Variants in BTBD16 observed in about 807,000 individuals in gnomAD.
The protein encoded by BTBD16 is BTB/POZ domain-containing protein 16.
Under a neutral mutation model 67.4 loss-of-function variants are expected in BTBD16, and 66 were observed. The observed-to-expected ratio is 0.98, with a 90% CI of 0.80 to 1.20. The LOEUF is 1.20. Among genes scored for constraint, BTBD16 ranks in the 50% most tolerant of loss-of-function variants. BTBD16 has a pLI of 0.00. For missense variants in BTBD16, 634 were observed against 616.0 expected (o/e 1.03, Z -0.31); for synonymous variants, 242 against 236.4 (o/e 1.02, Z -0.22).
At chr10:122,305,943 T>C (rs894891134) in intron 9 of BTBD16, among the ~76,000 whole-genome samples, 19 of 152,210 alleles carry the variant, frequency 1.2e-4, no homozygotes, top group African/African-American at 4.3e-4. Flanking sequence ...GGCTGTATAG[T>C]ATTTTATGGT....
intron 1 of BTBD16, among the ~76,000 whole-genome samples, chr10:122,273,905 G>A (rs1030748055): frequency 2.0e-5 from 3 of 152,238 alleles, no homozygotes; most frequent in African/African-American, 4.8e-5. Flanking sequence ...GTCTGCCCAA[G>A]TGGAATGGAA....
chr10:122,275,186 G>A, intron 2 of BTBD16, 87 bp downstream of exon 2: 1 of 1,344,232 alleles, frequency 7.4e-7, no homozygotes, highest in South Asian at 1.2e-5. Flanking sequence ...AAGGGGCTGG[G>A]TTCTGCACCA....
intron 1 of BTBD16, among the ~76,000 whole-genome samples, chr10:122,272,375 CTT>C (rs907407636): frequency 3.9e-5 from 6 of 152,162 alleles, no homozygotes; most frequent in African/African-American, 7.2e-5. Context: ...GAGTTTCGCT[CTT>C]GTTTCCCAGG....
At chr10:122,284,067 A>G in intron 4 of BTBD16, 143 bp downstream of exon 4, 2 of 644,214 alleles carry the variant, frequency 3.1e-6, no homozygotes, top group South Asian at 3.7e-5. Context: ...GCGTCTAAGA[A>G]ATAATAGGTG....
rs375825873 is a variant in BTBD16 at position 122,332,168 on chromosome 10, C to T, written c.1087-268C>T. 115 of 404,000 alleles carry T rather than the reference C, an allele frequency of 2.8e-4. 1 individual carries two copies. The highest frequency in any genetic ancestry group is 2.2e-3 in the African/African-American group (109 of 49,172). 25.0% of individuals were successfully genotyped at this position (404,000 alleles called of 1,614,324 possible). ...TGACTGTGATCATCTCTGCCCCATG[C>T]ACACATTTTATTTCCCATGTGAGAC... On this transcript the variant is annotated intron_variant, in intron 12 of 15. Coordinates refer to ENST00000260723, the MANE Select transcript of BTBD16 (RefSeq NM_144587.5).
intron 15 of BTBD16, 138 bp from the exon 16 acceptor site, chr10:122,337,879 C>T (rs766386013): frequency 1.5e-6 from 1 of 651,102 alleles, no homozygotes; most frequent in East Asian, 2.7e-5. Flanking sequence ...CAAATAACCT[C>T]TGCAGGTTAT....
At chr10:122,303,283 T>C (rs2096397497) in intron 9 of BTBD16, among the ~76,000 whole-genome samples, 2 of 152,244 alleles carry the variant, frequency 1.3e-5, no homozygotes, top group African/African-American at 4.8e-5. Context: ...ATTTAATCTA[T>C]GTAATTTTAC....
chr10:122,275,475 C>A, intron 2 of BTBD16, among the ~76,000 whole-genome samples: 1 of 152,344 alleles, frequency 6.6e-6, no homozygotes, highest in South Asian at 2.1e-4. Context: ...CCACCATCGC[C>A]ATCCTCACTG....
At chr10:122,312,738 A>G (rs530020432) in intron 10 of BTBD16, among the ~76,000 whole-genome samples, 43 of 152,264 alleles carry the variant, frequency 2.8e-4, no homozygotes, top group African/African-American at 8.9e-4. Context: ...GTATCTTTTT[A>G]GTGAGGTGCC....
chr10:122,329,459 C>A, intron 10 of BTBD16, 21 bp from the exon 11 acceptor site: 1 of 1,612,296 alleles, frequency 6.2e-7, no homozygotes, highest in Non-Finnish European at 8.5e-7. Flanking sequence ...GTCTGTTATT[C>A]TTCTTTATGC....
chr10:122,304,753 T>C (rs369155046), intron 9 of BTBD16, among the ~76,000 whole-genome samples: 24 of 152,038 alleles, frequency 1.6e-4, no homozygotes, highest in African/African-American at 2.2e-4. Context: ...CGGGGTTTCA[T>C]CATGTTAGCC....
intron 14 of BTBD16, 27 bp from the exon 15 acceptor site, chr10:122,336,467 A>G (rs3817280): frequency 0.34 from 528,918 of 1,563,010 alleles, 95,561 homozygotes; most frequent in East Asian, 0.73. Context: ...TTGCAGTTCC[A>G]CCTAAGGTGA....
intron 10 of BTBD16, among the ~76,000 whole-genome samples, chr10:122,316,619 A>G (rs940730714): frequency 5.9e-5 from 9 of 152,326 alleles, no homozygotes; most frequent in Non-Finnish European, 1.2e-4. Flanking sequence ...CACAATGGTA[A>G]GTATTCATGT....
At chr10:122,297,741 C>T in intron 7 of BTBD16, 27 bp from the exon 8 acceptor site, 2 of 1,613,350 alleles carry the variant, frequency 1.2e-6, no homozygotes, top group Non-Finnish European at 1.7e-6. Context: ...TGGGGTTCCT[C>T]CAGAAACTGC....
chr10:122,325,800 C>T (rs574804644), intron 10 of BTBD16, among the ~76,000 whole-genome samples: 8 of 152,066 alleles, frequency 5.3e-5, no homozygotes, highest in South Asian at 4.2e-4. Context: ...CTCAGCCACC[C>T]GAGTAGCTGG....
intron 10 of BTBD16, among the ~76,000 whole-genome samples, chr10:122,323,641 G>A (rs1302258620): frequency 6.6e-6 from 1 of 152,166 alleles, no homozygotes. Context: ...GAAATGAGTG[G>A]CAGTTTGGGA....
At position 122,298,485 on chromosome 10, in the gene BTBD16, G is replaced by A. The variant is rs538205228; in HGVS notation, c.661-519G>A. 2.0e-5 allele frequency among the ~76,000 whole-genome samples: 3 copies of A among 152,318 alleles called. No homozygotes were observed. The South Asian group carries it at 6.2e-4, about 32-fold the overall frequency. Reference sequence around the variant, plus strand: ...AGGACCCCAGGCCCAGAAGCTATTCGAGGTGTACTGAAGCTCTCTCAAGGT... The same window carrying A: ...AGGACCCCAGGCCCAGAAGCTATTCAAGGTGTACTGAAGCTCTCTCAAGGT... On this transcript the variant is annotated intron_variant, in intron 8 of 15. Coordinates refer to ENST00000260723, the MANE Select transcript of BTBD16 (RefSeq NM_144587.5).
At chr10:122,325,095 G>T (rs925285583) in intron 10 of BTBD16, among the ~76,000 whole-genome samples, 1 of 152,182 alleles carries the variant, frequency 6.6e-6, no homozygotes, top group African/African-American at 2.4e-5. Flanking sequence ...GCATAGACTG[G>T]CCTGTATGTG....
At chr10:122,291,364 T>A in intron 7 of BTBD16, 170 bp downstream of exon 7, 1 of 777,162 alleles carries the variant, frequency 1.3e-6, no homozygotes, top group Non-Finnish European at 1.9e-6. Flanking sequence ...TAATTCACAC[T>A]AACAGGTGAG....
Sources: gnomAD v4.1 joint callset for allele counts (sites outside exome capture counted in the v4.1 genomes callset) on GRCh38, gnomAD v4.1.1 for gene constraint, MANE v1.5 for transcripts, NCBI Gene and HGNC (gene_info 2026-07-23, HGNC 2026-07-21) for gene names.